STEAP3: variants seen among roughly 807,000 people sequenced by gnomAD.
The protein encoded by STEAP3 is STEAP3 metalloreductase.
STEAP3 carries 35 observed loss-of-function variants against 34.9 expected under a neutral mutation model. The observed-to-expected ratio is 1.00, with a 90% CI of 0.76 to 1.33. The LOEUF is 1.33. STEAP3 is among the 40% of genes most tolerant of loss of function. The pLI is 0.00. For synonymous variants in STEAP3, 281 were observed against 301.6 expected, an observed-to-expected ratio of 0.93 and a Z score of 0.71; for missense variants, 652 against 667.6, an observed-to-expected ratio of 0.98 and a Z score of 0.26.
chr2:119,233,943 C>T (rs957262059), intron 2 of STEAP3, among the ~76,000 whole-genome samples: 2 of 152,098 alleles, frequency 1.3e-5, no homozygotes, highest in South Asian at 2.1e-4. Context: ...CCATGCAGAG[C>T]GGTTAGAGGG....
intron 1 of STEAP3, among the ~76,000 whole-genome samples, chr2:119,227,976 T>C (rs951642299): frequency 2.6e-5 from 4 of 152,118 alleles, no homozygotes; most frequent in African/African-American, 9.7e-5. Context: ...ATTACAGGTG[T>C]GCTCCACCAC....
At position 119,235,781 on chromosome 2, in the gene STEAP3, TA is replaced by T. The variant is rs1195910115; in HGVS notation, c.22+4748del. Among the ~76,000 whole-genome samples the T allele has an allele frequency of 2.6e-5, 4 of 152,186 alleles. No individual in the cohort carries two copies. The East Asian group carries it at 7.7e-4, about 29-fold the overall frequency. On this transcript the variant is annotated intron_variant, in intron 2 of 5. Coordinates refer to ENST00000393110, the MANE Select transcript of STEAP3 (RefSeq NM_182915.3). ...CATGGAGGCAGAGGAGCAGTTGGTATAGGCTTGATCCTTGCAAGGGTAAGTG... is the reference window on the plus strand; with the variant it reads ...CATGGAGGCAGAGGAGCAGTTGGTATGGCTTGATCCTTGCAAGGGTAAGTG...
chr2:119,235,336 G>A (rs1311821462), intron 2 of STEAP3, among the ~76,000 whole-genome samples: 1 of 152,178 alleles, frequency 6.6e-6, no homozygotes, highest in East Asian at 1.9e-4. Flanking sequence ...GAGACAGCAT[G>A]GATACTCGAA....
intron 4 of STEAP3, 66 bp downstream of exon 4, chr2:119,248,272 C>A: frequency 4.7e-6 from 7 of 1,491,968 alleles, no homozygotes; most frequent in South Asian, 1.3e-5. Flanking sequence ...CCTCCCCCCC[C>A]CACCAACCAG....
intron 2 of STEAP3, among the ~76,000 whole-genome samples, chr2:119,233,819 CT>C (rs1379134220): frequency 7.2e-5 from 11 of 152,318 alleles, no homozygotes; most frequent in African/African-American, 2.6e-4. Context: ...CTGGACCAGA[CT>C]TTTGAGCTCT....
intron 2 of STEAP3, among the ~76,000 whole-genome samples, chr2:119,233,678 G>A (rs1433611288): frequency 2.6e-4 from 40 of 152,184 alleles, no homozygotes; most frequent in Admixed American, 2.6e-3. Context: ...CCCATCCAAT[G>A]AGGTGACAGA....
intron 5 of STEAP3, among the ~76,000 whole-genome samples, chr2:119,261,451 G>A (rs1301297869): frequency 6.6e-6 from 1 of 151,996 alleles, no homozygotes; most frequent in Non-Finnish European, 1.5e-5. Context: ...ATAGACGTGG[G>A]AGGTCTCTCC....
Position 119,230,771 on chromosome 2 carries a change from T to C in STEAP3, c.-242T>C, listed in dbSNP as rs996285565. 21 of 601,318 alleles carry C rather than the reference T, an allele frequency of 3.5e-5. No individual in the cohort carries two copies. The highest frequency in any genetic ancestry group is 5.5e-5 in the African/African-American group (3 of 54,108). The allele number at this position is 601,318 out of a possible 1,614,324, so 37.2% of individuals were successfully genotyped here. A position where few individuals can be genotyped will look rare whatever the true frequency, so the allele number is the denominator to read the frequency against. On this transcript the variant is annotated 5_prime_UTR_variant, in exon 2 of 6. Transcript: ENST00000393110. ...GCAGGCCAGAGCTGCGCTCTCTCAG[T>C]GCACTCTCCAACCAAGCATCAGTCA...
intron 1 of STEAP3, 45 bp downstream of exon 1, chr2:119,223,933 C>G (rs1406958367): frequency 2.0e-5 from 3 of 152,276 alleles, no homozygotes; most frequent in Non-Finnish European, 4.4e-5. Flanking sequence ...CGTGCTGCGC[C>G]CGGTCCCCGA....
chr2:119,245,118 G>C (rs1007206082), intron 2 of STEAP3: 1 of 225,854 alleles, frequency 4.4e-6, no homozygotes, highest in African/African-American at 2.2e-5. Context: ...CTCCTGGCTA[G>C]TGACACTGTC....
intron 5 of STEAP3, among the ~76,000 whole-genome samples, chr2:119,262,066 A>C (rs1677956979): frequency 6.6e-6 from 1 of 152,198 alleles, no homozygotes. Flanking sequence ...CACAGAGGGC[A>C]TCTGTGTGGT....
At position 119,246,016 on chromosome 2, in the gene STEAP3, G is replaced by A. The variant is rs59695964; in HGVS notation, c.522+28G>A. Reference sequence around the variant, plus strand: ...AGGTTCTGGGGGAATAATACCCATCGTAACAATAAATATAAATGGCTAATT... The same window carrying A: ...AGGTTCTGGGGGAATAATACCCATCATAACAATAAATATAAATGGCTAATT... On this transcript the variant is annotated intron_variant, in intron 3 of 5. Coordinates refer to ENST00000393110, the MANE Select transcript of STEAP3 (RefSeq NM_182915.3). 4,152 of 1,587,022 alleles carry A rather than the reference G, an allele frequency of 2.6e-3. 60 individuals are homozygous for A. The African/African-American group carries it at 0.04, about 15-fold the overall frequency.
intron 1 of STEAP3, 78 bp downstream of exon 1, chr2:119,223,966 G>A (rs1479242114): frequency 6.6e-6 from 1 of 152,302 alleles, no homozygotes; most frequent in Non-Finnish European, 1.5e-5. Flanking sequence ...GTTGCACCCT[G>A]CGCCGTCGCT....
At chr2:119,259,326 C>G (rs1451419201) in intron 5 of STEAP3, among the ~76,000 whole-genome samples, 2 of 152,242 alleles carry the variant, frequency 1.3e-5, no homozygotes, top group African/African-American at 4.8e-5. Flanking sequence ...ATGACAATCC[C>G]TCTCCTTTTG....
intron 5 of STEAP3, chr2:119,257,468 T>C: frequency 6.5e-7 from 1 of 1,531,868 alleles, no homozygotes; most frequent in Non-Finnish European, 8.8e-7. Context: ...GTGTGGCAAC[T>C]TCCAGTGCAG....
Position 119,247,508 on chromosome 2 carries a change from C to A in STEAP3, c.523-171C>A, listed in dbSNP as rs183275972. Reference sequence around the variant, plus strand: ...GGAGGCCTGGGCAGCAGAGAAAAGACCCCTAGCCTGGGAGCTAGAACCCCA... The same window carrying A: ...GGAGGCCTGGGCAGCAGAGAAAAGAACCCTAGCCTGGGAGCTAGAACCCCA... On this transcript the variant is annotated intron_variant, in intron 3 of 5. Transcript: ENST00000393110. Among the ~76,000 whole-genome samples, 15 of 152,342 alleles carry A rather than the reference C, an allele frequency of 9.8e-5. No individual in the cohort carries two copies. In the East Asian group the frequency reaches 2.3e-3, roughly 24 times the overall value.
chr2:119,227,106 C>A (rs1679064363), intron 1 of STEAP3, among the ~76,000 whole-genome samples: 1 of 152,180 alleles, frequency 6.6e-6, no homozygotes, highest in Non-Finnish European at 1.5e-5. Flanking sequence ...ATCAACCACC[C>A]CACAAACACC....
chr2:119,232,782 G>A (rs1395241299), intron 2 of STEAP3, among the ~76,000 whole-genome samples: 4 of 152,026 alleles, frequency 2.6e-5, no homozygotes, highest in Non-Finnish European at 5.9e-5. Context: ...TCGAGATGGT[G>A]GGGAGTAGGG....
chr2:119,247,806 G>T lies in STEAP3; in HGVS notation c.650G>T (p.Arg217Leu), dbSNP rs781048051. ...TGGGAGGTGGAGGCCATGCCCCTGC[G>T]CCTCCTCCCGGCCTGGAAGGTGCCC... ...SAWEVEAMPLRLLPAWKVPTL... is the reference protein window; with the variant it reads ...SAWEVEAMPLLLLPAWKVPTL... Residue 217 changes from arginine to leucine, a missense_variant, in exon 4 of 6, where the codon CGC (arginine) becomes CTC (leucine). By Grantham distance (102) the Arg-to-Leu change is moderately radical. Transcript: ENST00000393110. 3 of 1,611,686 alleles carry T rather than the reference G, an allele frequency of 1.9e-6. No homozygotes were observed. Among genetic ancestry groups the T allele is most frequent in the Middle Eastern group, 3.3e-4 (2 of 6,060 alleles).
Sources: allele counts gnomAD v4.1 joint callset (sites outside exome capture counted in the v4.1 genomes callset), GRCh38; gene constraint gnomAD v4.1.1; transcripts MANE v1.5; gene names NCBI Gene and HGNC (gene_info 2026-07-23, HGNC 2026-07-21).